RFC1: variants seen among roughly 807,000 people sequenced by gnomAD.
The protein encoded by RFC1 is replication factor C subunit 1, also known as A1 140 kDa subunit.
Under a neutral mutation model 137.4 loss-of-function variants are expected in RFC1, and 37 were observed. The observed-to-expected ratio is 0.27, with a 90% CI of 0.21 to 0.35. The LOEUF (loss-of-function observed/expected upper bound fraction) is 0.35. Among genes scored for constraint, RFC1 ranks in the 10% least tolerant of loss-of-function variants. RFC1 has a pLI of 1.00. For missense variants in RFC1, 1,205 were observed against 1,358.5 expected (o/e 0.89, Z 1.78); for synonymous variants, 429 against 455.7 (o/e 0.94, Z 0.75).
intron 17 of RFC1, 21 bp from the exon 18 acceptor site, chr4:39,302,616 G>C (rs533100126): frequency 1.3e-6 from 2 of 1,535,132 alleles, no homozygotes; most frequent in Non-Finnish European, 8.9e-7. Flanking sequence ...CAAGGGAGGA[G>C]TCCTCAATGA....
chr4:39,288,573 A>G lies in RFC1; in HGVS notation c.*188T>C, dbSNP rs556201542. On this transcript the variant is annotated 3_prime_UTR_variant, in exon 25 of 25. Transcript: ENST00000349703. The stretch of plus-strand genomic sequence containing the variant: ...GACCCAAGCAGTCCTATCAACCTCT[A>G]TAAGAGGTGTACATAAGCCTACTGC... 2 of 557,480 alleles carry G rather than the reference A, an allele frequency of 3.6e-6. No homozygotes were observed. Among genetic ancestry groups the G allele is most frequent in the South Asian group, 2.5e-5 (1 of 40,232 alleles). The allele number at this position is 557,480 out of a possible 1,614,324, so 34.5% of individuals were successfully genotyped here.
At chr4:39,321,540 A>G (rs1285292439) in intron 7 of RFC1, 166 bp from the exon 8 acceptor site, 3 of 571,590 alleles carry the variant, frequency 5.2e-6, no homozygotes, top group South Asian at 2.4e-5. Flanking sequence ...CAAATGAGGC[A>G]TATTTTATTA....
chr4:39,357,112 T>A (rs775551380), intron 1 of RFC1, among the ~76,000 whole-genome samples: 1 of 152,188 alleles, frequency 6.6e-6, no homozygotes, highest in Non-Finnish European at 1.5e-5. Flanking sequence ...TCCTAATCTT[T>A]CTTTAATCCA....
intron 10 of RFC1, among the ~76,000 whole-genome samples, chr4:39,313,393 T>C (rs1739065100): frequency 6.6e-6 from 1 of 152,264 alleles, no homozygotes; most frequent in South Asian, 2.1e-4. Context: ...TTTCTGTTAA[T>C]GTTTCGAAAC....
Position 39,308,747 on chromosome 4 carries a change from G to C in RFC1, c.1774C>G (p.Pro592Ala). 2 of 1,614,126 alleles carry C rather than the reference G, an allele frequency of 1.2e-6. No individual in the cohort carries two copies. The highest frequency in any genetic ancestry group is 1.7e-6 in the Non-Finnish European group (2 of 1,180,012). ...CCAATTATGGTCTTGAGCGAGGTTG[G>C]CTTATATTTATCCACCCAGAGCAAA... ...ENLLWVDKYK[P>A]TSLKTIIGQQ... Residue 592 changes from proline (P) to alanine (A), a missense_variant, in exon 13 of 25, where the codon CCA becomes GCA. By Grantham distance (27) the Pro-to-Ala change is conservative. This residue lies in a region of RFC1 where 962 missense variants were observed against 1,035.3 expected (regional missense o/e 0.93). Coordinates refer to ENST00000349703, the MANE Select transcript of RFC1 (RefSeq NM_002913.5).
At position 39,363,175 on chromosome 4, in the gene RFC1, T is replaced by G. The variant is rs185801982; in HGVS notation, c.3+3064A>C. Among the ~76,000 whole-genome samples the G allele has an allele frequency of 2.2e-4, 33 of 152,374 alleles. No homozygotes were observed. In the East Asian group the frequency reaches 5.0e-3, roughly 23 times the overall value. The stretch of plus-strand genomic sequence containing the variant: ...ATTATATATGCTGACTTCTTAAAAA[T>G]GGCATCTCTCAGGTTTTATTCACGT... On this transcript the variant is annotated intron_variant, in intron 1 of 24. Coordinates refer to ENST00000349703, the MANE Select transcript of RFC1 (RefSeq NM_002913.5).
intron 2 of RFC1, among the ~76,000 whole-genome samples, chr4:39,347,527 A>C (rs1476741528): frequency 6.6e-6 from 1 of 152,242 alleles, no homozygotes; most frequent in Non-Finnish European, 1.5e-5. Context: ...TTTGGTACCA[A>C]GAAATGGGAT....
chr4:39,351,966 C>CAAA (rs570668838), intron 1 of RFC1, among the ~76,000 whole-genome samples: 1 of 57,836 alleles, frequency 1.7e-5, no homozygotes. Context: ...GACTCCGTCT[C>CAAA]AAAAAAAAAA....
chr4:39,314,584 G>C (rs1164198722), intron 10 of RFC1, among the ~76,000 whole-genome samples: 1 of 151,764 alleles, frequency 6.6e-6, no homozygotes, highest in Non-Finnish European at 1.5e-5. Flanking sequence ...GCACCACTTT[G>C]ACTGAAGTCC....
chr4:39,344,721 G>A (rs1740764409), intron 3 of RFC1, among the ~76,000 whole-genome samples: 1 of 152,150 alleles, frequency 6.6e-6, no homozygotes, highest in African/African-American at 2.4e-5. Context: ...GGAGGTAGAG[G>A]TTGCAGTGAG....
chr4:39,348,474 GAAAAGA>G (rs1741018675), intron 2 of RFC1, among the ~76,000 whole-genome samples: 1 of 139,638 alleles, frequency 7.2e-6, no homozygotes, highest in Admixed American at 7.5e-5. Context: ...GAAAAGAAAA[GAAAAGA>G]AAAAGCATGT....
At chr4:39,362,485 G>A (rs913682006) in intron 1 of RFC1, among the ~76,000 whole-genome samples, 43 of 152,118 alleles carry the variant, frequency 2.8e-4, no homozygotes, top group African/African-American at 9.7e-4. Flanking sequence ...ATCAACTCTC[G>A]CATTTACAGT....
Position 39,351,475 on chromosome 4 carries a change from T to C in RFC1, c.5A>G (p.Asp2Gly), listed in dbSNP as rs1741198958. The C allele has an allele frequency of 1.9e-6, 3 of 1,543,798 alleles. No individual in the cohort carries two copies. Among genetic ancestry groups the C allele is most frequent in the Non-Finnish European group, 2.6e-6 (3 of 1,150,354 alleles). M[D>G]IRKFFGVIPS... ...TATTACTCCAAAGAATTTCCGAATG[T>C]CCTAAAAGCAAAAAACAGGAGATTC... is the stretch of plus-strand genomic sequence containing the variant. The change falls in exon 2 of 25, where the codon GAC (aspartate) becomes GGC (glycine). Residue 2 changes from aspartate (D) to glycine (G), a missense_variant and splice_region_variant. Around this residue, in one of 3 missense-constraint regions of RFC1, gnomAD observed 962 missense variants for 1,035.3 expected, o/e 0.93. Transcript: ENST00000349703.
chr4:39,350,268 CCAA>C (rs1247280274), intron 2 of RFC1, among the ~76,000 whole-genome samples: 10 of 152,018 alleles, frequency 6.6e-5, no homozygotes, highest in African/African-American at 2.4e-4. Context: ...TATCAAAACT[CCAA>C]CGTTTATGTA....
intron 4 of RFC1, chr4:39,341,462 C>A: frequency 2.7e-6 from 1 of 366,076 alleles, no homozygotes; most frequent in Non-Finnish European, 5.4e-6. Context: ...AAAAATTTTC[C>A]AAAAAATATG....
At position 39,366,335 on chromosome 4, in the gene RFC1, C is replaced by A. The variant is rs955806342; in HGVS notation, c.-94G>T. ...CAGGATCCATTCGCGCCAACAACTTCTCCCGCGAAGTGCAAGAAGGCGAAG... is the reference window on the plus strand; with the variant it reads ...CAGGATCCATTCGCGCCAACAACTTATCCCGCGAAGTGCAAGAAGGCGAAG... On this transcript the variant is annotated 5_prime_UTR_variant, in exon 1 of 25. Coordinates refer to ENST00000349703, the MANE Select transcript of RFC1 (RefSeq NM_002913.5). The A allele has an allele frequency of 3.9e-5, 53 of 1,359,630 alleles. No homozygotes were observed. Among genetic ancestry groups the A allele is most frequent in the Admixed American group, 1.2e-4 (4 of 33,966 alleles). 84.2% of individuals were successfully genotyped at this position (1,359,630 alleles called of 1,614,324 possible).
intron 2 of RFC1, 148 bp downstream of exon 2, chr4:39,351,200 G>A (rs11096994): frequency 0.46 from 202,842 of 439,896 alleles, 52,368 homozygotes; most frequent in East Asian, 0.56. Context: ...GCAGTCTGCC[G>A]AGATTGCACC....
intron 1 of RFC1, among the ~76,000 whole-genome samples, chr4:39,364,659 A>T (rs958096920): frequency 2.6e-5 from 4 of 152,202 alleles, no homozygotes; most frequent in Admixed American, 6.5e-5. Flanking sequence ...TTTCTGAGAA[A>T]ATAGATCACT....
rs1738043367 is a variant in RFC1 at position 39,296,900 on chromosome 4, C to T, written c.2809-1141G>A. Among the ~76,000 whole-genome samples, 4 of 151,362 alleles carry T rather than the reference C, an allele frequency of 2.6e-5. No homozygotes were observed. In the South Asian group the frequency reaches 8.4e-4, roughly 32 times the overall value. On this transcript the variant is annotated intron_variant, in intron 21 of 24. Transcript: ENST00000349703. ...TAAAAGTGTTCCTATTTCTCCACAT[C>T]CTCTCCAGCACCTGTCGTTTCCTGA... is the stretch of plus-strand genomic sequence containing the variant.
Sources: gnomAD v4.1 joint callset for allele counts (sites outside exome capture counted in the v4.1 genomes callset) on GRCh38, gnomAD v4.1.1 for gene constraint, gnomAD v4.1.1 regional missense constraint, MANE v1.5 for transcripts, NCBI Gene and HGNC (gene_info 2026-07-23, HGNC 2026-07-21) for gene names.